OGDH: variants seen among roughly 807,000 people sequenced by gnomAD.
The protein encoded by OGDH is oxoglutarate dehydrogenase.
Under a neutral mutation model 116.6 loss-of-function variants are expected in OGDH, and 38 were observed. That is an observed-to-expected ratio of 0.33 (90% CI 0.25 to 0.43). OGDH has a LOEUF of 0.43. Ranked by LOEUF, OGDH falls within the 20% of genes least tolerant of loss-of-function variation. OGDH has a pLI of 1.00. For missense variants in OGDH, 825 were observed against 1,357.2 expected (o/e 0.61, Z 6.16); for synonymous variants, 488 against 533.3 (o/e 0.92, Z 1.17).
In OGDH at chr7:44,624,303, T is replaced by C. The variant is rs1308259487; in HGVS notation, c.-27-14T>C. The C allele has an allele frequency of 7.9e-7, 1 of 1,272,580 alleles. No individual in the cohort carries two copies. Among genetic ancestry groups the C allele is most frequent in the South Asian group, 1.6e-5 (1 of 61,770 alleles). 78.8% of individuals were successfully genotyped at this position (1,272,580 alleles called of 1,614,324 possible). On this transcript the variant is annotated splice_polypyrimidine_tract_variant and intron_variant, in intron 1 of 22. Transcript: ENST00000222673. ...ACCTTTCTTTCTTGTTTTTTTTTTT[T>C]TTTTTTTGTACAGGCAGTTGTGAAA...
At chr7:44,689,258 C>T (rs1788268417) in intron 10 of OGDH, among the ~76,000 whole-genome samples, 1 of 148,254 alleles carries the variant, frequency 6.7e-6, no homozygotes, top group African/African-American at 2.5e-5. Flanking sequence ...CCCCGTCACC[C>T]ACGCTGGAGT....
At chr7:44,669,184 A>ACTCTGTC (rs1787321325) in intron 5 of OGDH, among the ~76,000 whole-genome samples, 1 of 93,514 alleles carries the variant, frequency 1.1e-5, no homozygotes, top group South Asian at 3.3e-4. Context: ...ACAGGGTCTC[A>ACTCTGTC]CTCTGTCACC....
At position 44,668,846 on chromosome 7, in the gene OGDH, G is replaced by T. The variant is rs567857219; in HGVS notation, c.633+1995G>T. 1.6e-3 allele frequency among the ~76,000 whole-genome samples: 248 copies of T among 152,288 alleles called. 1 individual carries two copies. The highest frequency in any genetic ancestry group is 5.8e-3 in the African/African-American group (243 of 41,546). ...TGATACATCGGGTCAAATAAAATAG[G>T]AAAATTTCATGTGGGTCTACTAGAA... On this transcript the variant is annotated intron_variant, in intron 5 of 22. Coordinates refer to ENST00000222673, the MANE Select transcript of OGDH (RefSeq NM_002541.4).
Position 44,697,158 on chromosome 7 carries a change from C to T in OGDH, c.2051+94C>T, listed in dbSNP as rs967388244. 37 of 1,527,126 alleles carry T rather than the reference C, an allele frequency of 2.4e-5. No homozygotes were observed. The highest frequency in any genetic ancestry group is 6.2e-5 in the South Asian group (5 of 81,156). The allele number at this position is 1,527,126 out of a possible 1,614,324, so 94.6% of individuals were successfully genotyped here. A position where few individuals can be genotyped will look rare whatever the true frequency, so the allele number is the denominator to read the frequency against. On this transcript the variant is annotated intron_variant, in intron 15 of 22. Coordinates refer to ENST00000222673, the MANE Select transcript of OGDH (RefSeq NM_002541.4). The surrounding 1 kb of genome is among the most constrained non-coding windows in gnomAD (Gnocchi z 6.0). ...TCTTTTCCGGAAGACGGTTAGAAAC[C>T]GGAAGAGTCACATTGCTCTCAGGCT...
chr7:44,611,337 C>T (rs187051960), intron 1 of OGDH, among the ~76,000 whole-genome samples: 1,974 of 152,232 alleles, frequency 0.013, 44 homozygotes, highest in African/African-American at 0.044. Context: ...GGCACGATCT[C>T]AGCTCACTGC....
At chr7:44,678,592 G>C (rs1048663158) in intron 9 of OGDH, among the ~76,000 whole-genome samples, 41 of 152,172 alleles carry the variant, frequency 2.7e-4, no homozygotes, top group African/African-American at 9.2e-4. Context: ...CAGTCCCTTT[G>C]TTTTCCAGTC....
intron 5 of OGDH, among the ~76,000 whole-genome samples, chr7:44,672,222 T>C (rs1787493462): frequency 6.6e-6 from 1 of 152,336 alleles, no homozygotes; most frequent in South Asian, 2.1e-4. Flanking sequence ...ATTTTGAGTT[T>C]AGGCAAAGTT....
At chr7:44,687,273 T>G (rs961570994) in intron 10 of OGDH, among the ~76,000 whole-genome samples, 1 of 151,022 alleles carries the variant, frequency 6.6e-6, no homozygotes, top group African/African-American at 2.4e-5. Context: ...GATTTTTGTA[T>G]TTTTAGTACA....
chr7:44,616,755 G>GTA (rs562422788), intron 1 of OGDH, among the ~76,000 whole-genome samples: 11 of 129,924 alleles, frequency 8.5e-5, no homozygotes, highest in East Asian at 8.4e-4. Flanking sequence ...GTGTATATGT[G>GTA]TATATATATA....
chr7:44,707,076 C>T lies in OGDH; in HGVS notation c.2633-149C>T. On this transcript the variant is annotated intron_variant, in intron 20 of 22. Transcript: ENST00000222673. The surrounding 1 kb of genome is among the most constrained non-coding windows in gnomAD (Gnocchi z 5.2). The stretch of plus-strand genomic sequence containing the variant: ...AAAGTGTGCCTGGTCTGAGCAAATA[C>T]AGGGCATCAGAGGCTGGTGAAGGGG... 3 of 742,206 alleles carry T rather than the reference C, an allele frequency of 4.0e-6. No individual in the cohort carries two copies. Among genetic ancestry groups the T allele is most frequent in the Non-Finnish European group, 6.5e-6 (3 of 459,696 alleles). The allele number at this position is 742,206 out of a possible 1,614,324, so 46.0% of individuals were successfully genotyped here.
intron 3 of OGDH, 118 bp from the exon 4 acceptor site, chr7:44,647,539 G>T: frequency 6.5e-7 from 1 of 1,545,966 alleles, no homozygotes. Flanking sequence ...ACGTGGGTGA[G>T]AATTAAGCTG....
At chr7:44,676,251 A>G in intron 9 of OGDH, 102 bp downstream of exon 9, 2 of 1,594,586 alleles carry the variant, frequency 1.3e-6, no homozygotes, top group Non-Finnish European at 1.7e-6. Flanking sequence ...GTGCATCTAG[A>G]CTTTAAAAAA....
intron 18 of OGDH, among the ~76,000 whole-genome samples, chr7:44,698,528 G>C (rs1788687780): frequency 6.6e-6 from 1 of 152,116 alleles, no homozygotes; most frequent in Non-Finnish European, 1.5e-5. Context: ...AACGCCATGT[G>C]AGCTCCTCAG....
intron 4 of OGDH, among the ~76,000 whole-genome samples, chr7:44,662,464 C>CTTTTTTTTTTT (rs199533460): frequency 1.5e-5 from 2 of 130,836 alleles, no homozygotes; most frequent in Admixed American, 7.5e-5. Flanking sequence ...CTTTTCTTTT[C>CTTTTTTTTTTT]TTTTTTTTTT....
At chr7:44,699,595 G>A (rs117387922) in intron 18 of OGDH, among the ~76,000 whole-genome samples, 2,272 of 152,232 alleles carry the variant, frequency 0.015, 43 homozygotes, top group Non-Finnish European at 0.023. Flanking sequence ...TCTCCTCCAG[G>A]GTATGAGGCT....
At chr7:44,628,734 G>A (rs911612081) in intron 2 of OGDH, among the ~76,000 whole-genome samples, 5 of 152,000 alleles carry the variant, frequency 3.3e-5, no homozygotes, top group South Asian at 2.1e-4. Flanking sequence ...ACAGATGTGA[G>A]CCACCACACC....
In OGDH at chr7:44,707,906, T is replaced by C. The variant is rs780449924; in HGVS notation, c.2979T>C (p.Ala993=). 3 of 1,613,446 alleles carry C rather than the reference T, an allele frequency of 1.9e-6. No homozygotes were observed. The highest frequency in any genetic ancestry group is 1.6e-4 in the Middle Eastern group (1 of 6,062). The change falls in exon 23 of 23, where the codon GCT becomes GCC. Residue 993 remains alanine (A), a synonymous_variant. Transcript: ENST00000222673. The surrounding 1 kb of genome is among the most constrained non-coding windows in gnomAD (Gnocchi z 5.2). The part of the protein sequence containing the change: ...VWYAGRDPAA[A]PATGNKKTHL... ...ATGCCGGCCGGGACCCAGCGGCTGC[T>C]CCAGCCACCGGCAACAAGAAGACCC...
At chr7:44,625,249 C>T (rs535743296) in intron 2 of OGDH, among the ~76,000 whole-genome samples, 149 of 152,140 alleles carry the variant, frequency 9.8e-4, no homozygotes, top group Non-Finnish European at 1.7e-3. Flanking sequence ...CTCAGCCTCC[C>T]GAGTAACTGG....
chr7:44,693,399 G>T (rs1788448589), intron 10 of OGDH, among the ~76,000 whole-genome samples: 1 of 151,552 alleles, frequency 6.6e-6, no homozygotes, highest in Non-Finnish European at 1.5e-5. Flanking sequence ...TTAGGCCCAG[G>T]AGTTTGAGGC....
Sources: allele counts gnomAD v4.1 joint callset (sites outside exome capture counted in the v4.1 genomes callset), GRCh38; gene constraint gnomAD v4.1.1; non-coding constraint Gnocchi (gnomAD v3.1); transcripts MANE v1.5; gene names NCBI Gene and HGNC (gene_info 2026-07-23, HGNC 2026-07-21).